Variants in SLC7A14 observed in about 807,000 individuals in gnomAD.
The protein encoded by SLC7A14 is solute carrier family 7 member 14.
A neutral mutation model predicts 60.2 loss-of-function variants in SLC7A14; 37 were observed. The ratio of observed to expected loss-of-function variants is 0.61; its 90% CI spans 0.47 to 0.81. SLC7A14 has a LOEUF of 0.81. Among genes scored for constraint, SLC7A14 ranks in the 30% least tolerant of loss-of-function variants. The probability of loss-of-function intolerance (pLI) is 0.00; values close to 1 mark genes in which losing one functional copy is unlikely to be tolerated. For synonymous variants in SLC7A14, 399 were observed against 395.8 expected (o/e 1.01, Z -0.10); for missense variants, 886 against 982.7 (o/e 0.90, Z 1.32).
At position 170,480,557 on chromosome 3, in the gene SLC7A14, G is replaced by A. The variant is rs1395317933; in HGVS notation, c.1725C>T (p.Leu575=). The part of the protein sequence containing the change: ...VTICVLLLFI[L]MFIFCSFIIF... Reference sequence around the variant, plus strand: ...TGATGAAGGAGCAGAAGATGAACATGAGGATGAAGAGCAGGAGCACGCAGA... The same window carrying A: ...TGATGAAGGAGCAGAAGATGAACATAAGGATGAAGAGCAGGAGCACGCAGA... The change falls in exon 7 of 8, where the codon CTC becomes CTT. Residue 575 remains leucine, a synonymous_variant. Transcript: ENST00000231706. The A allele has an allele frequency of 6.2e-7, 1 of 1,614,238 alleles. No homozygotes were observed. Among genetic ancestry groups the A allele is most frequent in the South Asian group, 1.1e-5 (1 of 91,084 alleles).
chr3:170,531,874 G>A (rs567267864), intron 1 of SLC7A14, among the ~76,000 whole-genome samples: 3 of 152,280 alleles, frequency 2.0e-5, no homozygotes, highest in South Asian at 4.2e-4. Context: ...TGGCATGCTC[G>A]AGGGTTCAGT....
At chr3:170,485,806 C>T (rs537197064) in intron 5 of SLC7A14, among the ~76,000 whole-genome samples, 3 of 152,290 alleles carry the variant, frequency 2.0e-5, no homozygotes, top group South Asian at 2.1e-4. Flanking sequence ...CAGGGAGCCT[C>T]GCCTCTTTGC....
intron 1 of SLC7A14, among the ~76,000 whole-genome samples, chr3:170,544,016 G>A (rs1215179374): frequency 5.3e-5 from 8 of 151,980 alleles, no homozygotes; most frequent in African/African-American, 1.9e-4. Flanking sequence ...GCAAAGTGCT[G>A]GGATTACAGG....
Position 170,459,939 on chromosome 3 carries a change from C to T in SLC7A14, c.*7116G>A, listed in dbSNP as rs1739561095. ...AGCTTTATGCATTTATTAAAATATACACATTTTGTTAAATTTAGAATTTTC... is the reference window on the plus strand; with the variant it reads ...AGCTTTATGCATTTATTAAAATATATACATTTTGTTAAATTTAGAATTTTC... On this transcript the variant is annotated 3_prime_UTR_variant, in exon 8 of 8. Transcript: ENST00000231706. 1 of 152,122 alleles carries T rather than the reference C, an allele frequency of 6.6e-6. No individual in the cohort carries two copies. The highest frequency in any genetic ancestry group is 1.5e-5 in the Non-Finnish European group (1 of 68,028). 9.4% of individuals were successfully genotyped at this position (152,122 alleles called of 1,614,324 possible).
chr3:170,563,353 G>C (rs369002746), intron 1 of SLC7A14, among the ~76,000 whole-genome samples: 19 of 150,824 alleles, frequency 1.3e-4, no homozygotes, highest in African/African-American at 4.4e-4. Flanking sequence ...GATTTATATT[G>C]CTGGGCCTCC....
At chr3:170,510,387 C>CAAAAAAAAAAA (rs200708263) in intron 2 of SLC7A14, among the ~76,000 whole-genome samples, 7 of 99,114 alleles carry the variant, frequency 7.1e-5, no homozygotes, top group Non-Finnish European at 8.2e-5. Context: ...AAGACTCTGT[C>CAAAAAAAAAAA]AAAAAAAAAA....
intron 2 of SLC7A14, 32 bp downstream of exon 2, chr3:170,526,597 ACTTT>A (rs1216685377): frequency 6.3e-7 from 1 of 1,598,380 alleles, no homozygotes; most frequent in African/African-American, 1.3e-5. Flanking sequence ...TGGTAAGCAC[ACTTT>A]CCACAGTACT....
intron 7 of SLC7A14, among the ~76,000 whole-genome samples, chr3:170,470,835 G>C (rs1162430183): frequency 6.6e-6 from 1 of 152,160 alleles, no homozygotes; most frequent in Non-Finnish European, 1.5e-5. Flanking sequence ...CACGCCTCCT[G>C]TGTGGAAGCA....
At chr3:170,530,525 A>G (rs961372753) in intron 1 of SLC7A14, among the ~76,000 whole-genome samples, 1 of 152,230 alleles carries the variant, frequency 6.6e-6, no homozygotes, top group Non-Finnish European at 1.5e-5. Flanking sequence ...TCAGACTGCC[A>G]GGGGGCTGGT....
intron 1 of SLC7A14, among the ~76,000 whole-genome samples, chr3:170,543,223 C>CT (rs936723100): frequency 6.6e-6 from 1 of 152,134 alleles, no homozygotes; most frequent in Admixed American, 6.5e-5. Flanking sequence ...GCTGGACCTG[C>CT]TACTATTGTT....
chr3:170,496,655 A>T (rs1280857478), intron 4 of SLC7A14: 2 of 1,308,868 alleles, frequency 1.5e-6, no homozygotes, highest in East Asian at 2.3e-5. Flanking sequence ...GGGATGCAGA[A>T]CACGAGTATC....
At position 170,464,166 on chromosome 3, in the gene SLC7A14, C is replaced by T. The variant is rs1021747087; in HGVS notation, c.*2889G>A. Reference sequence around the variant, plus strand: ...TGTATTATATATATTTTAGTAGCTGCCTCAAATCCTTTTGAAATGAAGCAG... The same window carrying T: ...TGTATTATATATATTTTAGTAGCTGTCTCAAATCCTTTTGAAATGAAGCAG... On this transcript the variant is annotated 3_prime_UTR_variant, in exon 8 of 8. Coordinates refer to ENST00000231706, the MANE Select transcript of SLC7A14 (RefSeq NM_020949.3). 2 of 152,122 alleles carry T rather than the reference C, an allele frequency of 1.3e-5. No homozygotes were observed. The highest frequency in any genetic ancestry group is 2.9e-5 in the Non-Finnish European group (2 of 68,040). 9.4% of individuals were successfully genotyped at this position (152,122 alleles called of 1,614,324 possible).
chr3:170,570,965 G>T (rs1198483643), intron 1 of SLC7A14, among the ~76,000 whole-genome samples: 2 of 151,992 alleles, frequency 1.3e-5, no homozygotes. Context: ...GTACCCAACA[G>T]GTGATTTTTT....
At chr3:170,488,556 C>G (rs1031069644) in intron 4 of SLC7A14, among the ~76,000 whole-genome samples, 1 of 152,158 alleles carries the variant, frequency 6.6e-6, no homozygotes, top group Non-Finnish European at 1.5e-5. Flanking sequence ...TAAGATAGTT[C>G]CTTCATTTTT....
chr3:170,564,976 T>G (rs1714753930), intron 1 of SLC7A14, among the ~76,000 whole-genome samples: 2 of 152,176 alleles, frequency 1.3e-5, no homozygotes, highest in Admixed American at 1.3e-4. Context: ...GTTTTAGGAC[T>G]TCTAGAAATT....
At chr3:170,577,603 C>T (rs559337745) in intron 1 of SLC7A14, among the ~76,000 whole-genome samples, 18 of 123,670 alleles carry the variant, frequency 1.5e-4, no homozygotes, top group South Asian at 1.3e-3. Context: ...CCGGCCTGGG[C>T]GACAGAGCGA....
At chr3:170,506,804 A>G (rs980555641) in intron 2 of SLC7A14, among the ~76,000 whole-genome samples, 1 of 152,188 alleles carries the variant, frequency 6.6e-6, no homozygotes, top group African/African-American at 2.4e-5. Flanking sequence ...TCTCCTTCCT[A>G]ACAGGGTAAA....
rs1049706662 is a variant in SLC7A14 at position 170,569,934 on chromosome 3, A to G, written c.-153+15977T>C. Among the ~76,000 whole-genome samples, 25 of 152,032 alleles carry G rather than the reference A, an allele frequency of 1.6e-4. 1 individual carries two copies. The East Asian group carries it at 4.3e-3, about 26-fold the overall frequency. ...TTATTAGTCTTGCTAGCGGTCTATC[A>G]ATTTTGTTGATCCTTTCAAAATACC... On this transcript the variant is annotated intron_variant, in intron 1 of 7. Coordinates refer to ENST00000231706, the MANE Select transcript of SLC7A14 (RefSeq NM_020949.3).
chr3:170,574,835 G>A (rs756162936), intron 1 of SLC7A14, among the ~76,000 whole-genome samples: 3 of 152,210 alleles, frequency 2.0e-5, no homozygotes, highest in Non-Finnish European at 2.9e-5. Flanking sequence ...GAAGGGCAAA[G>A]CCCTGGACTG....
Sources: gnomAD v4.1 joint callset for allele counts (sites outside exome capture counted in the v4.1 genomes callset) on GRCh38, gnomAD v4.1.1 for gene constraint, MANE v1.5 for transcripts, NCBI Gene and HGNC (gene_info 2026-07-23, HGNC 2026-07-21) for gene names.